Variants in GRXCR1 observed in about 807,000 individuals in gnomAD.
GRXCR1 encodes the protein glutaredoxin and cysteine rich domain containing 1, also known as glutaredoxin domain-containing cysteine-rich protein 1.
In GRXCR1, 27 loss-of-function variants were observed where a neutral mutation model predicts 27.3. The ratio of observed to expected loss-of-function variants is 0.99; its 90% CI spans 0.73 to 1.37. The LOEUF (loss-of-function observed/expected upper bound fraction) is 1.37. GRXCR1 is among the 40% of genes most tolerant of loss of function. GRXCR1 has a pLI of 0.00. For synonymous variants in GRXCR1, 122 were observed against 131.1 expected (o/e 0.93, Z 0.47); for missense variants, 379 against 354.4 (o/e 1.07, Z -0.56).
intron 2 of GRXCR1, among the ~76,000 whole-genome samples, chr4:42,982,905 T>C (rs1336507389): frequency 6.6e-6 from 1 of 152,002 alleles, no homozygotes; most frequent in African/African-American, 2.4e-5. Context: ...ATGGGGTTGT[T>C]TGTTTTTTTT....
At chr4:43,016,711 C>A (rs1273855145) in intron 2 of GRXCR1, among the ~76,000 whole-genome samples, 1 of 151,902 alleles carries the variant, frequency 6.6e-6, no homozygotes, top group African/African-American at 2.4e-5. Flanking sequence ...AGTGCCTAAT[C>A]CCTAATGGAG....
At chr4:42,910,041 C>T (rs1746686217) in intron 1 of GRXCR1, among the ~76,000 whole-genome samples, 1 of 152,042 alleles carries the variant, frequency 6.6e-6, no homozygotes, top group African/African-American at 2.4e-5. Flanking sequence ...GCTGGGGAGG[C>T]CTCAGGAAGC....
At chr4:43,011,671 C>T (rs147989010) in intron 2 of GRXCR1, among the ~76,000 whole-genome samples, 152 of 152,152 alleles carry the variant, frequency 1.0e-3, no homozygotes, top group Non-Finnish European at 1.7e-3. Flanking sequence ...AAAGATAAAC[C>T]GGGTTATCAT....
At chr4:42,995,986 G>C (rs1289875401) in intron 2 of GRXCR1, among the ~76,000 whole-genome samples, 3 of 152,150 alleles carry the variant, frequency 2.0e-5, no homozygotes, top group Non-Finnish European at 4.4e-5. Context: ...TCAAATATAA[G>C]CATATGAGTT....
Position 42,932,587 on chromosome 4 carries a change from TATATATATATATATATATATATA to T in GRXCR1, c.385-30304_385-30282del, listed in dbSNP as rs1266908590. On this transcript the variant is annotated intron_variant, in intron 1 of 3. Transcript: ENST00000399770. ...TCTTAAACTCCCTTCCATATATATA[TATATATATATATATATATATATA>T]TATATATATAGAGAGAGAGAGAGAG... Among the ~76,000 whole-genome samples, 166 of 39,920 alleles carry T rather than the reference TATATATATATATATATATATATA, an allele frequency of 4.2e-3. 3 individuals carry two copies. Among genetic ancestry groups the T allele is most frequent in the African/African-American group, 0.011 (128 of 11,268 alleles). The allele number at this position is 39,920 out of a possible 152,430, so 26.2% of individuals were successfully genotyped here. A position where few individuals can be genotyped will look rare whatever the true frequency, so the allele number is the denominator to read the frequency against.
chr4:42,968,943 T>C (rs1171044779), intron 2 of GRXCR1, among the ~76,000 whole-genome samples: 1 of 152,112 alleles, frequency 6.6e-6, no homozygotes, highest in Non-Finnish European at 1.5e-5. Context: ...AGATATTGGG[T>C]AGGCAGTTAG....
chr4:42,960,112 A>G (rs1748098265), intron 1 of GRXCR1, among the ~76,000 whole-genome samples: 1 of 151,980 alleles, frequency 6.6e-6, no homozygotes, highest in African/African-American at 2.4e-5. Context: ...GGTTTGTTCT[A>G]TAAGATTCAG....
At chr4:42,950,680 C>T (rs1054760950) in intron 1 of GRXCR1, among the ~76,000 whole-genome samples, 8 of 152,066 alleles carry the variant, frequency 5.3e-5, no homozygotes, top group African/African-American at 1.4e-4. Context: ...AACAATGTGT[C>T]TTCATGTGGA....
At position 42,932,671 on chromosome 4, in the gene GRXCR1, C is replaced by T. The variant is rs188597517; in HGVS notation, c.385-30221C>T. ...AGAGAGAGAGAGAGAGAGAGGCAAT[C>T]TGTACAGGGCCCTGTGCTATGCAGG... is the stretch of plus-strand genomic sequence containing the variant. On this transcript the variant is annotated intron_variant, in intron 1 of 3. Transcript: ENST00000399770. 5.9e-3 allele frequency among the ~76,000 whole-genome samples: 689 copies of T among 116,452 alleles called. 7 individuals are homozygous for T. Among genetic ancestry groups the T allele is most frequent in the African/African-American group, 0.021 (639 of 30,130 alleles). 76.4% of individuals were successfully genotyped at this position (116,452 alleles called of 152,430 possible). A position where few individuals can be genotyped will look rare whatever the true frequency, so the allele number is the denominator to read the frequency against.
At chr4:42,928,838 C>T (rs538408292) in intron 1 of GRXCR1, among the ~76,000 whole-genome samples, 2 of 152,022 alleles carry the variant, frequency 1.3e-5, no homozygotes, top group East Asian at 3.9e-4. Context: ...AGAACATTAC[C>T]ACAGACATAG....
At chr4:42,979,049 C>T (rs1245635607) in intron 2 of GRXCR1, among the ~76,000 whole-genome samples, 2 of 151,842 alleles carry the variant, frequency 1.3e-5, no homozygotes, top group African/African-American at 4.8e-5. Context: ...CCTCCCTAGC[C>T]ATACTGAACT....
intron 2 of GRXCR1, among the ~76,000 whole-genome samples, chr4:42,995,865 T>C (rs931538071): frequency 1.3e-5 from 2 of 152,224 alleles, no homozygotes; most frequent in African/African-American, 2.4e-5. Context: ...CAAGGTCTGA[T>C]TGAGTCCGAG....
At chr4:42,972,017 C>T (rs1171516946) in intron 2 of GRXCR1, among the ~76,000 whole-genome samples, 2 of 152,144 alleles carry the variant, frequency 1.3e-5, no homozygotes, top group Non-Finnish European at 2.9e-5. Context: ...CCACCTCAGC[C>T]TCCCAAGTAT....
rs369666973 is a variant in GRXCR1 at position 42,931,252 on chromosome 4, T to C, written c.385-31640T>C. 4.7e-4 allele frequency among the ~76,000 whole-genome samples: 71 copies of C among 152,140 alleles called. 2 individuals are homozygous for C. In the South Asian group the frequency reaches 0.011, roughly 23 times the overall value. On this transcript the variant is annotated intron_variant, in intron 1 of 3. Coordinates refer to ENST00000399770, the MANE Select transcript of GRXCR1 (RefSeq NM_001080476.3). ...ATAAGTAAAATGTACAGTCAGTAAG[T>C]AAAGTTTGCAGTATAATAATCAAAG...
At chr4:42,908,477 T>C (rs1182664326) in intron 1 of GRXCR1, among the ~76,000 whole-genome samples, 1 of 152,160 alleles carries the variant, frequency 6.6e-6, no homozygotes, top group Non-Finnish European at 1.5e-5. Context: ...GTGACCTTCT[T>C]TACCACAGAT....
chr4:42,898,654 A>G (rs1370622666), intron 1 of GRXCR1, among the ~76,000 whole-genome samples: 4 of 152,104 alleles, frequency 2.6e-5, no homozygotes, highest in African/African-American at 9.6e-5. Flanking sequence ...GACATTATTT[A>G]TGTGCATTGA....
intron 1 of GRXCR1, among the ~76,000 whole-genome samples, chr4:42,923,964 C>T (rs1747083011): frequency 6.6e-6 from 1 of 151,994 alleles, no homozygotes; most frequent in Non-Finnish European, 1.5e-5. Flanking sequence ...AAAAAGTAAA[C>T]CACTCACCAA....
intron 1 of GRXCR1, among the ~76,000 whole-genome samples, chr4:42,931,818 C>T (rs929274827): frequency 1.3e-5 from 2 of 151,858 alleles, no homozygotes; most frequent in Non-Finnish European, 1.5e-5. Context: ...AGTCTTTTCT[C>T]ACGCTGCTAA....
At chr4:42,992,029 A>G (rs1173387177) in intron 2 of GRXCR1, among the ~76,000 whole-genome samples, 2 of 152,134 alleles carry the variant, frequency 1.3e-5, no homozygotes, top group Non-Finnish European at 2.9e-5. Context: ...AAAGCATCTG[A>G]CATGTGGATG....
Sources: gnomAD v4.1 joint callset for allele counts (sites outside exome capture counted in the v4.1 genomes callset) on GRCh38, gnomAD v4.1.1 for gene constraint, MANE v1.5 for transcripts, NCBI Gene and HGNC (gene_info 2026-07-23, HGNC 2026-07-21) for gene names.